RPRD1A: variants seen among roughly 807,000 people sequenced by gnomAD.
The protein encoded by RPRD1A is regulation of nuclear pre-mRNA domain containing 1A.
RPRD1A carries 9 observed loss-of-function variants against 37.8 expected under a neutral mutation model. That is an observed-to-expected ratio of 0.24 (90% CI 0.14 to 0.42). The LOEUF (loss-of-function observed/expected upper bound fraction) is 0.42, where lower values mean the gene tolerates loss of function less well. Ranked by LOEUF, RPRD1A falls within the 10% of genes least tolerant of loss-of-function variation. RPRD1A has a pLI of 1.00. For synonymous variants in RPRD1A, 138 were observed against 139.7 expected (o/e 0.99, Z 0.08); for missense variants, 255 against 371.0 (o/e 0.69, Z 2.57).
At chr18:36,029,649 T>C (rs1174343849) in intron 4 of RPRD1A, among the ~76,000 whole-genome samples, 1 of 151,800 alleles carries the variant, frequency 6.6e-6, no homozygotes, top group African/African-American at 2.4e-5. Flanking sequence ...AAAAAAGTCT[T>C]TCTGGAATTA....
intron 1 of RPRD1A, among the ~76,000 whole-genome samples, chr18:36,036,523 G>C (rs1221691511): frequency 6.6e-6 from 1 of 152,104 alleles, no homozygotes; most frequent in Non-Finnish European, 1.5e-5. Context: ...AGGTGATTGA[G>C]CATGGGGTCC....
intron 6 of RPRD1A, among the ~76,000 whole-genome samples, chr18:36,020,241 C>G (rs934343439): frequency 6.6e-6 from 1 of 152,148 alleles, no homozygotes; most frequent in African/African-American, 2.4e-5. Flanking sequence ...AAACTCTACA[C>G]GAATCTGGTA....
chr18:36,051,700 A>C (rs1398822835), intron 1 of RPRD1A, among the ~76,000 whole-genome samples: 1 of 151,862 alleles, frequency 6.6e-6, no homozygotes, highest in Non-Finnish European at 1.5e-5. Context: ...TTATAGATAA[A>C]TGCTATAATA....
chr18:36,003,450 C>G (rs1323388552), intron 6 of RPRD1A, among the ~76,000 whole-genome samples: 1 of 152,122 alleles, frequency 6.6e-6, no homozygotes, highest in Admixed American at 6.5e-5. Flanking sequence ...AATGTTTAGG[C>G]AAAGAAAGGT....
intron 6 of RPRD1A, among the ~76,000 whole-genome samples, chr18:36,007,893 G>A (rs1051249807): frequency 2.8e-4 from 43 of 152,142 alleles, no homozygotes; most frequent in Middle Eastern, 3.4e-3. Context: ...AGCCGAGATC[G>A]CGCCACTGCA....
chr18:35,994,724 T>C (rs1020194771), intron 6 of RPRD1A, among the ~76,000 whole-genome samples: 1 of 152,186 alleles, frequency 6.6e-6, no homozygotes, highest in Non-Finnish European at 1.5e-5. Flanking sequence ...AACTGACAAA[T>C]TCTAGCTAAA....
chr18:36,031,840 T>A (rs1598634239), intron 2 of RPRD1A, among the ~76,000 whole-genome samples: 1 of 152,188 alleles, frequency 6.6e-6, no homozygotes, highest in Non-Finnish European at 1.5e-5. Context: ...ACCAATCACA[T>A]CAAGAATAAA....
intron 6 of RPRD1A, among the ~76,000 whole-genome samples, chr18:35,995,231 A>G (rs1908958095): frequency 6.9e-6 from 1 of 144,888 alleles, no homozygotes; most frequent in Admixed American, 6.9e-5. Context: ...AACTAAGACT[A>G]TCTGCTCTCC....
At chr18:36,063,237 T>G (rs1228922234) in intron 1 of RPRD1A, among the ~76,000 whole-genome samples, 2 of 152,196 alleles carry the variant, frequency 1.3e-5, no homozygotes, top group African/African-American at 2.4e-5. Flanking sequence ...CAGGTTGGAG[T>G]GCAGTGGCGC....
At chr18:36,028,113 C>T (rs1434572342) in intron 4 of RPRD1A, 1 of 151,672 alleles carries the variant, frequency 6.6e-6, no homozygotes, top group Non-Finnish European at 1.5e-5. Flanking sequence ...ATTCTCCAGC[C>T]CATCTTTTTC....
chr18:36,040,349 T>C (rs1304575068), intron 1 of RPRD1A, among the ~76,000 whole-genome samples: 1 of 152,218 alleles, frequency 6.6e-6, no homozygotes, highest in Non-Finnish European at 1.5e-5. Context: ...AAGCCATATG[T>C]GTAAATGTGT....
chr18:36,056,776 T>C (rs1241291926), intron 1 of RPRD1A, among the ~76,000 whole-genome samples: 1 of 152,000 alleles, frequency 6.6e-6, no homozygotes, highest in African/African-American at 2.4e-5. Context: ...ACAGGCACCT[T>C]AGAACAGCCA....
chr18:36,011,828 G>T (rs1910198620), intron 6 of RPRD1A, among the ~76,000 whole-genome samples: 1 of 152,158 alleles, frequency 6.6e-6, no homozygotes, highest in Non-Finnish European at 1.5e-5. Context: ...GATTTTGTAA[G>T]AGTCCACCCT....
chr18:35,998,566 C>A (rs916161390), intron 6 of RPRD1A, among the ~76,000 whole-genome samples: 1 of 152,152 alleles, frequency 6.6e-6, no homozygotes, highest in Non-Finnish European at 1.5e-5. Flanking sequence ...ACCACTACCA[C>A]CCTAAAGCTT....
At chr18:36,052,287 A>C (rs373078952) in intron 1 of RPRD1A, among the ~76,000 whole-genome samples, 2 of 151,986 alleles carry the variant, frequency 1.3e-5, no homozygotes, top group Non-Finnish European at 2.9e-5. Flanking sequence ...CCTGACCTAC[A>C]AGAAATCCTA....
At chr18:36,053,372 A>G (rs1913535645) in intron 1 of RPRD1A, among the ~76,000 whole-genome samples, 1 of 152,092 alleles carries the variant, frequency 6.6e-6, no homozygotes, top group Non-Finnish European at 1.5e-5. Context: ...AGTATTATGG[A>G]TTTACCTATT....
intron 6 of RPRD1A, among the ~76,000 whole-genome samples, chr18:36,002,306 T>C (rs1317833609): frequency 6.6e-6 from 1 of 152,248 alleles, no homozygotes; most frequent in Non-Finnish European, 1.5e-5. Flanking sequence ...TCTTTTCCAT[T>C]CTGTTTTCAC....
intron 6 of RPRD1A, among the ~76,000 whole-genome samples, chr18:36,021,724 T>G (rs1023769953): frequency 6.6e-6 from 1 of 152,098 alleles, no homozygotes; most frequent in African/African-American, 2.4e-5. Flanking sequence ...CCAGGCCTGG[T>G]GTGGTGGCTC....
At chr18:36,014,902 A>G (rs1910408436) in intron 6 of RPRD1A, among the ~76,000 whole-genome samples, 1 of 152,110 alleles carries the variant, frequency 6.6e-6, no homozygotes, top group Non-Finnish European at 1.5e-5. Flanking sequence ...GATACTACCT[A>G]ATATACATTA....
Sources: allele counts gnomAD v4.1 joint callset (sites outside exome capture counted in the v4.1 genomes callset), GRCh38; gene constraint gnomAD v4.1.1; transcripts MANE v1.5; gene names NCBI Gene and HGNC (gene_info 2026-07-23, HGNC 2026-07-21).